ODAD2: variants seen among roughly 807,000 people sequenced by gnomAD.
ODAD2 encodes the protein outer dynein arm-docking complex subunit 2.
In ODAD2, 89 loss-of-function variants were observed where a neutral mutation model predicts 106.8. The ratio of observed to expected loss-of-function variants is 0.83; its 90% CI spans 0.70 to 0.99. ODAD2 has a LOEUF of 0.99. ODAD2 is among the 50% of genes least tolerant of loss of function. The pLI, the probability that ODAD2 is intolerant of heterozygous loss-of-function variation, is 0.00. For missense variants in ODAD2, 1,168 were observed against 1,238.5 expected (o/e 0.94, Z 0.85); for synonymous variants, 404 against 436.2 (o/e 0.93, Z 0.92).
intron 19 of ODAD2, among the ~76,000 whole-genome samples, chr10:27,842,151 C>T (rs998900505): frequency 6.6e-6 from 1 of 152,156 alleles, no homozygotes; most frequent in African/African-American, 2.4e-5. Flanking sequence ...ATTTGACCCC[C>T]TTTGTTTCCT....
intron 17 of ODAD2, among the ~76,000 whole-genome samples, chr10:27,888,282 G>C (rs934612370): frequency 3.3e-5 from 5 of 152,060 alleles, no homozygotes; most frequent in Non-Finnish European, 7.4e-5. Context: ...CCCACCAACA[G>C]TGTATAAGTG....
At chr10:27,832,307 A>G (rs1837536507) in intron 19 of ODAD2, among the ~76,000 whole-genome samples, 1 of 152,106 alleles carries the variant, frequency 6.6e-6, no homozygotes, top group South Asian at 2.1e-4. Flanking sequence ...TGTTTCTCAC[A>G]CCTTACTTGT....
intron 12 of ODAD2, among the ~76,000 whole-genome samples, 156 bp from the exon 13 acceptor site, chr10:27,940,961 G>T (rs1220951935): frequency 6.6e-6 from 1 of 152,088 alleles, no homozygotes; most frequent in Non-Finnish European, 1.5e-5. Context: ...GCCACGGAAA[G>T]CAAAGAAACA....
At chr10:27,851,586 G>GA (rs1283426215) in intron 19 of ODAD2, among the ~76,000 whole-genome samples, 9 of 151,272 alleles carry the variant, frequency 5.9e-5, no homozygotes, top group East Asian at 1.9e-4. Flanking sequence ...AAACATTGCA[G>GA]AAAAAAAAGT....
intron 10 of ODAD2, among the ~76,000 whole-genome samples, chr10:27,953,967 C>T (rs1462906544): frequency 6.6e-6 from 1 of 151,912 alleles, no homozygotes; most frequent in Non-Finnish European, 1.5e-5. Flanking sequence ...CACAGCCCTG[C>T]GAGAAAAATC....
intron 10 of ODAD2, among the ~76,000 whole-genome samples, chr10:27,946,606 A>T (rs1846946864): frequency 6.6e-6 from 1 of 152,216 alleles, no homozygotes; most frequent in East Asian, 1.9e-4. Context: ...CTGTACTACA[A>T]TAGGGAACTT....
intron 17 of ODAD2, among the ~76,000 whole-genome samples, chr10:27,865,618 G>A (rs889569173): frequency 6.6e-6 from 1 of 152,222 alleles, no homozygotes; most frequent in Non-Finnish European, 1.5e-5. Context: ...TAAGTCCCAG[G>A]AGGGTGAGGA....
At chr10:27,956,386 G>C (rs1358108653) in intron 10 of ODAD2, among the ~76,000 whole-genome samples, 1 of 152,154 alleles carries the variant, frequency 6.6e-6, no homozygotes, top group Non-Finnish European at 1.5e-5. Flanking sequence ...AAATGGCCCT[G>C]GGAATGAGCC....
chr10:27,875,971 A>T (rs1841308968), intron 17 of ODAD2, among the ~76,000 whole-genome samples: 1 of 152,174 alleles, frequency 6.6e-6, no homozygotes, highest in South Asian at 2.1e-4. Flanking sequence ...CTGAGATTGA[A>T]TTGCAACATG....
At chr10:27,840,906 C>T (rs902570013) in intron 19 of ODAD2, among the ~76,000 whole-genome samples, 1 of 152,148 alleles carries the variant, frequency 6.6e-6, no homozygotes, top group Non-Finnish European at 1.5e-5. Flanking sequence ...ATCAGACTGT[C>T]GAGCTAAAGC....
intron 19 of ODAD2, among the ~76,000 whole-genome samples, chr10:27,849,776 C>T (rs1839106029): frequency 6.6e-6 from 1 of 152,120 alleles, no homozygotes. Context: ...AAAAATAGTT[C>T]CTAATGGGTT....
At chr10:27,943,323 T>C (rs1307640439) in intron 12 of ODAD2, among the ~76,000 whole-genome samples, 1 of 151,920 alleles carries the variant, frequency 6.6e-6, no homozygotes, top group Non-Finnish European at 1.5e-5. Context: ...GGCAGAAAAA[T>C]CAGTCAATTC....
rs1213017723 is a variant in ODAD2, at chr10:27,985,175, T to C, written c.419A>G (p.Asp140Gly). The part of the protein sequence containing the change: ...RDPIVKILGS[D>G]YNTMKENSIA... ...TGAGTTTTCTTTCATTGTATTATAATCAGAGCCCAGGATTTTTACTATGGG... is the reference window on the plus strand; with the variant it reads ...TGAGTTTTCTTTCATTGTATTATAACCAGAGCCCAGGATTTTTACTATGGG... Residue 140 changes from aspartate (D) to glycine (G), a missense_variant, in exon 4 of 20, where the codon GAT (aspartate) becomes GGT (glycine). Transcript: ENST00000305242. 3.2e-6 allele frequency: 5 copies of C among 1,578,124 alleles called. No individual in the cohort carries two copies. The African/African-American group carries it at 5.4e-5, about 17-fold the overall frequency.
intron 19 of ODAD2, among the ~76,000 whole-genome samples, chr10:27,856,069 C>T (rs1839632875): frequency 6.6e-6 from 1 of 152,130 alleles, no homozygotes; most frequent in Admixed American, 6.5e-5. Flanking sequence ...CTCTCCTTTG[C>T]TACAGTTTTG....
At chr10:27,904,318 G>T in intron 17 of ODAD2, 1 of 333,546 alleles carries the variant, frequency 3.0e-6, no homozygotes, top group South Asian at 2.9e-5. Flanking sequence ...TATGCGCGGG[G>T]AACATGGCGT....
chr10:27,948,569 T>C (rs1847100456), intron 10 of ODAD2, among the ~76,000 whole-genome samples: 1 of 152,168 alleles, frequency 6.6e-6, no homozygotes, highest in African/African-American at 2.4e-5. Flanking sequence ...TATTTACCAA[T>C]ACTTATTTTC....
intron 17 of ODAD2, among the ~76,000 whole-genome samples, chr10:27,871,766 GTA>G (rs1840911507): frequency 6.6e-6 from 1 of 152,170 alleles, no homozygotes; most frequent in Non-Finnish European, 1.5e-5. Flanking sequence ...TAGCCTTGTA[GTA>G]TAGTTTGAAG....
At chr10:27,849,496 C>T (rs1240410221) in intron 19 of ODAD2, among the ~76,000 whole-genome samples, 1 of 151,972 alleles carries the variant, frequency 6.6e-6, no homozygotes, top group Non-Finnish European at 1.5e-5. Context: ...CACATGTACA[C>T]ATAGGTAAAA....
chr10:27,886,840 A>G (rs901412825), intron 17 of ODAD2, among the ~76,000 whole-genome samples: 6 of 152,140 alleles, frequency 3.9e-5, no homozygotes, highest in Admixed American at 3.9e-4. Context: ...TGGTAGATGT[A>G]AGCTCCATGT....
Sources: gnomAD v4.1 joint callset for allele counts (sites outside exome capture counted in the v4.1 genomes callset) on GRCh38, gnomAD v4.1.1 for gene constraint, MANE v1.5 for transcripts, NCBI Gene and HGNC (gene_info 2026-07-23, HGNC 2026-07-21) for gene names.